Variants in FBXO38 observed in about 807,000 individuals in gnomAD.
FBXO38 encodes F-box protein 38, also known as F-box only protein 38.
A neutral mutation model predicts 131.9 loss-of-function variants in FBXO38; 53 were observed. That is an observed-to-expected ratio of 0.40 (90% confidence interval 0.32 to 0.51). The LOEUF (loss-of-function observed/expected upper bound fraction) is 0.51, where lower values mean the gene tolerates loss of function less well. Ranked by LOEUF, FBXO38 falls within the 20% of genes least tolerant of loss-of-function variation. The pLI is 0.53. For synonymous variants in FBXO38, 452 were observed against 505.6 expected (o/e 0.89, Z 1.42); for missense variants, 1,076 against 1,475.6 (o/e 0.73, Z 4.44).
chr5:148,428,882 CTTT>C, intron 15 of FBXO38, among the ~76,000 whole-genome samples: 1 of 152,110 alleles, frequency 6.6e-6, no homozygotes. Flanking sequence ...TATTTGAAGA[CTTT>C]TTTATGCTTT....
chr5:148,420,483 CT>C (rs995813290), intron 12 of FBXO38, among the ~76,000 whole-genome samples: 4 of 152,098 alleles, frequency 2.6e-5, no homozygotes, highest in African/African-American at 9.7e-5. Context: ...CACAATTATG[CT>C]TCTGTAATTG....
intron 18 of FBXO38, among the ~76,000 whole-genome samples, chr5:148,438,782 T>C (rs1016038018): frequency 1.3e-5 from 2 of 152,198 alleles, no homozygotes; most frequent in Non-Finnish European, 2.9e-5. Flanking sequence ...GACTTCGATG[T>C]CTTAGTTTCT....
intron 8 of FBXO38, 105 bp from the exon 9 acceptor site, chr5:148,410,530 C>T: frequency 7.4e-7 from 1 of 1,350,186 alleles, no homozygotes. Flanking sequence ...TCAGGTACGT[C>T]TTTGTCAGCA....
chr5:148,440,729 C>G (rs1157015733), intron 20 of FBXO38, among the ~76,000 whole-genome samples: 37 of 152,108 alleles, frequency 2.4e-4, no homozygotes. Flanking sequence ...TTTGGGCTTA[C>G]AGCAAGCAGT....
At position 148,427,893 on chromosome 5, in the gene FBXO38, C is replaced by T. The variant is rs1349133816; in HGVS notation, c.2599C>T (p.Pro867Ser). 1 of 1,543,646 alleles carries T rather than the reference C, an allele frequency of 6.5e-7. No homozygotes were observed. Among genetic ancestry groups the T allele is most frequent in the Non-Finnish European group, 8.7e-7 (1 of 1,148,272 alleles). Residue 867 changes from proline (P) to serine (S), a missense_variant, in exon 15 of 22, where the codon CCC becomes TCC. Around this residue, in one of 8 missense-constraint regions of FBXO38, gnomAD observed 282 missense variants for 418.8 expected, o/e 0.67. Coordinates refer to ENST00000340253, the MANE Select transcript of FBXO38 (RefSeq NM_205836.3). ...GTCTAATGAAGACTACCCTCGGAGG[C>T]CCCTAACCAGGGCCAGGAGCAGACT... ...VQSNEDYPRR[P>S]LTRARSRLSH...
rs889273688 is a variant in FBXO38, at chr5:148,442,330, C to T, written c.*183C>T. ...TTTGTACATAAAAAATATACAAAGA[C>T]GCTTCCTAAAGTACCAACTTTATAT... is the stretch of plus-strand genomic sequence containing the variant. On this transcript the variant is annotated 3_prime_UTR_variant, in exon 22 of 22. Coordinates refer to ENST00000340253, the MANE Select transcript of FBXO38 (RefSeq NM_205836.3). The T allele has an allele frequency of 8.5e-5, 36 of 422,346 alleles. No homozygotes were observed. Among genetic ancestry groups the T allele is most frequent in the Middle Eastern group, 5.8e-4 (1 of 1,720 alleles). The allele number at this position is 422,346 out of a possible 1,614,324, so 26.2% of individuals were successfully genotyped here. A position where few individuals can be genotyped will look rare whatever the true frequency, so the allele number is the denominator to read the frequency against.
In FBXO38 at chr5:148,425,528, G is replaced by C. The variant is rs760241023; in HGVS notation, c.1745G>C (p.Ser582Thr). 6.2e-7 allele frequency: 1 copy of C among 1,612,544 alleles called. No homozygotes were observed. Among genetic ancestry groups the C allele is most frequent in the Non-Finnish European group, 8.5e-7 (1 of 1,178,930 alleles). ...GCCTGTGCTTTTTTTTAAGGACCCAGTGGTCTTCAGCGTGTAGTAAAACCA... is the reference window on the plus strand; with the variant it reads ...GCCTGTGCTTTTTTTTAAGGACCCACTGGTCTTCAGCGTGTAGTAAAACCA... ...VDVDEEQAGP[S>T]GLQRVVKPTS... is the part of the protein sequence containing the mutation. The change falls in exon 14 of 22, where the codon AGT becomes ACT. Residue 582 changes from serine to threonine, a missense_variant. By Grantham distance (58) the Ser-to-Thr change is moderately conservative. Transcript: ENST00000340253.
chr5:148,413,998 C>A, intron 9 of FBXO38, 138 bp from the exon 10 acceptor site: 1 of 667,480 alleles, frequency 1.5e-6, no homozygotes, highest in Non-Finnish European at 2.4e-6. Flanking sequence ...TAAAATTATA[C>A]CTGAACCCAA....
At chr5:148,411,367 A>G (rs1291437843) in intron 9 of FBXO38, among the ~76,000 whole-genome samples, 1 of 152,214 alleles carries the variant, frequency 6.6e-6, no homozygotes, top group African/African-American at 2.4e-5. Flanking sequence ...CTATTTTTCC[A>G]TATGGCATCA....
rs767718028 is a variant in FBXO38, at chr5:148,417,151, A to G, written c.1565A>G (p.Glu522Gly). The part of the protein sequence containing the change: ...NHHHPDDSDE[E>G]NDFRQDLQPG... ...CATCATCCAGATGACTCAGACGAGG[A>G]GAATGACTTTCGGCAAGATCTGCAG... Residue 522 changes from glutamate to glycine, a missense_variant, in exon 12 of 22, where the codon GAG (glutamate) becomes GGG (glycine). Around this residue, in one of 8 missense-constraint regions of FBXO38, gnomAD observed 212 missense variants for 221.2 expected, o/e 0.96. Coordinates refer to ENST00000340253, the MANE Select transcript of FBXO38 (RefSeq NM_205836.3). 1.9e-6 allele frequency: 3 copies of G among 1,613,988 alleles called. No homozygotes were observed. The highest frequency in any genetic ancestry group is 1.7e-6 in the Non-Finnish European group (2 of 1,179,890).
At chr5:148,391,268 G>A (rs1758181745) in intron 1 of FBXO38, among the ~76,000 whole-genome samples, 2 of 152,204 alleles carry the variant, frequency 1.3e-5, no homozygotes, top group Admixed American at 1.3e-4. Context: ...TGGAAAGACT[G>A]GTGGATATTC....
intron 12 of FBXO38, among the ~76,000 whole-genome samples, chr5:148,421,295 G>A (rs1446069205): frequency 2.0e-5 from 3 of 152,104 alleles, no homozygotes; most frequent in Non-Finnish European, 4.4e-5. Flanking sequence ...GTACCCAGGT[G>A]GAGCTGATAC....
chr5:148,440,558 A>G (rs1581313857), intron 20 of FBXO38, 31 bp downstream of exon 20: 1 of 1,375,062 alleles, frequency 7.3e-7, no homozygotes, highest in Non-Finnish European at 1.0e-6. Context: ...AGAAAGTTAA[A>G]TAGCCTGTGC....
chr5:148,432,244 A>G (rs189840738), intron 15 of FBXO38, among the ~76,000 whole-genome samples: 1 of 152,362 alleles, frequency 6.6e-6, no homozygotes, highest in African/African-American at 2.4e-5. Context: ...AACAAGGACA[A>G]TGACTAATGT....
chr5:148,402,991 G>C (rs1455263529), intron 5 of FBXO38, among the ~76,000 whole-genome samples: 1 of 152,080 alleles, frequency 6.6e-6, no homozygotes, highest in East Asian at 1.9e-4. Context: ...AACTCAGGTG[G>C]TACAGGGAGA....
At chr5:148,438,911 CATT>C (rs1754508697) in intron 18 of FBXO38, among the ~76,000 whole-genome samples, 1 of 152,076 alleles carries the variant, frequency 6.6e-6, no homozygotes, top group South Asian at 2.1e-4. Flanking sequence ...CTGTTAGTGT[CATT>C]ATCATTATTA....
At chr5:148,440,190 G>A (rs930544669) in intron 19 of FBXO38, among the ~76,000 whole-genome samples, 1 of 152,176 alleles carries the variant, frequency 6.6e-6, no homozygotes, top group African/African-American at 2.4e-5. Flanking sequence ...CATATGCTTA[G>A]AAAGTGACTT....
intron 10 of FBXO38, among the ~76,000 whole-genome samples, chr5:148,414,659 A>G (rs1455280457): frequency 6.6e-6 from 1 of 152,184 alleles, no homozygotes; most frequent in Non-Finnish European, 1.5e-5. Flanking sequence ...TCACAATAGC[A>G]CATCATCTGA....
intron 10 of FBXO38, 84 bp from the exon 11 acceptor site, chr5:148,415,844 A>C: frequency 7.2e-7 from 1 of 1,389,040 alleles, no homozygotes; most frequent in Non-Finnish European, 1.0e-6. Flanking sequence ...AGGATTTGAA[A>C]GTCTTTGTGA....
Sources: gnomAD v4.1 joint callset for allele counts (sites outside exome capture counted in the v4.1 genomes callset) on GRCh38, gnomAD v4.1.1 for gene constraint, gnomAD v4.1.1 regional missense constraint, MANE v1.5 for transcripts, NCBI Gene and HGNC (gene_info 2026-07-23, HGNC 2026-07-21) for gene names.